Variants in ARAP2 observed in about 807,000 individuals in gnomAD.
ARAP2 encodes the protein arf-GAP with Rho-GAP domain, ANK repeat and PH domain-containing protein 2.
ARAP2 carries 148 observed loss-of-function variants against 194.5 expected under a neutral mutation model. That is an observed-to-expected ratio of 0.76 (90% CI 0.67 to 0.87). The LOEUF is 0.87. Among genes scored for constraint, ARAP2 ranks in the 40% least tolerant of loss-of-function variants. ARAP2 has a pLI of 0.00. For synonymous variants in ARAP2, 695 were observed against 683.5 expected, an observed-to-expected ratio of 1.02 and a Z score of -0.26; for missense variants, 2,128 against 1,989.7, an observed-to-expected ratio of 1.07 and a Z score of -1.32.
Position 36,160,564 on chromosome 4 carries a change from C to A in ARAP2, c.2337G>T (p.Met779Ile). The change falls in exon 13 of 33, where the codon ATG becomes ATT. Residue 779 changes from methionine to isoleucine, a missense_variant. Physicochemically the swap from Met to Ile is conservative, Grantham distance 10 (BLOSUM62 1). Coordinates refer to ENST00000303965, the MANE Select transcript of ARAP2 (RefSeq NM_015230.4). ...GNLQKDEELH[M>I]DSPVEKRKNF... ...TTTTTCTCTTTTCTACTGGTGAGTC[C>A]ATATGTAATTCTTCATCCTTTTGAA... The A allele has an allele frequency of 1.3e-6, 2 of 1,554,124 alleles. No homozygotes were observed. Among genetic ancestry groups the A allele is most frequent in the South Asian group, 1.3e-5 (1 of 79,336 alleles).
At chr4:36,140,893 C>CA (rs1009718065) in intron 19 of ARAP2, among the ~76,000 whole-genome samples, 1 of 151,228 alleles carries the variant, frequency 6.6e-6, no homozygotes, top group African/African-American at 2.4e-5. Flanking sequence ...GAATGTAAAA[C>CA]AAAAAAACAC....
chr4:36,187,546 G>A lies in ARAP2; in HGVS notation c.1583C>T (p.Pro528Leu), dbSNP rs775741785. ...EKEMYSKGIIPLSAISTVRVQ... is the reference protein window; with the variant it reads ...EKEMYSKGIILLSAISTVRVQ... ...TCGTACTGTTGATATAGCAGAAAGG[G>A]GAATTATTCCTTTCGAATACATCTC... The change falls in exon 8 of 33, where the codon CCC (proline) becomes CTC (leucine). Residue 528 changes from proline (P) to leucine (L), a missense_variant. Pro to Leu is a moderately conservative substitution (Grantham distance 98, BLOSUM62 -3). Coordinates refer to ENST00000303965, the MANE Select transcript of ARAP2 (RefSeq NM_015230.4). The A allele has an allele frequency of 2.6e-6, 4 of 1,558,672 alleles. No homozygotes were observed. In the Admixed American group the frequency reaches 6.2e-5, roughly 24 times the overall value.
chr4:36,017,733 T>A (rs1716129315), intron 6 of ARAP2, among the ~76,000 whole-genome samples: 1 of 152,086 alleles, frequency 6.6e-6, no homozygotes, highest in Non-Finnish European at 1.5e-5. Flanking sequence ...CAGAGAGTGG[T>A]AAGGGTTCAT....
intron 9 of ARAP2, 115 bp from the exon 10 acceptor site, chr4:36,167,162 C>G (rs1051449727): frequency 4.0e-5 from 27 of 667,178 alleles, no homozygotes; most frequent in Non-Finnish European, 4.9e-6. Flanking sequence ...CAAAATCAGT[C>G]TCACTTTAGG....
At chr4:36,075,632 C>T (rs1268097961) in intron 31 of ARAP2, among the ~76,000 whole-genome samples, 1 of 152,106 alleles carries the variant, frequency 6.6e-6, no homozygotes, top group Non-Finnish European at 1.5e-5. Flanking sequence ...CATTGCCTGG[C>T]TTTCATTTCA....
At chr4:36,177,757 C>A in intron 9 of ARAP2, 70 bp downstream of exon 9, 2 of 1,416,470 alleles carry the variant, frequency 1.4e-6, no homozygotes, top group Non-Finnish European at 1.9e-6. Flanking sequence ...ACTAATAATC[C>A]TTCCAAACAA....
rs1309044896 is a variant in ARAP2 at position 36,114,248 on chromosome 4, T to C, written c.4078A>G (p.Ile1360Val). 3.1e-5 allele frequency: 49 copies of C among 1,597,542 alleles called. No homozygotes were observed. Among genetic ancestry groups the C allele is most frequent in the Non-Finnish European group, 4.2e-5 (49 of 1,167,330 alleles). ...GGAATAATATTTTTTATCGCTAATA[T>C]ATCATTAGTTAATTCTTCTGCTTCC... ...VMEAEELTND[I>V]LAIKNIIPTK... is the part of the protein sequence containing the mutation. Residue 1360 changes from isoleucine (I) to valine (V), a missense_variant, in exon 26 of 33, where the codon ATA (isoleucine) becomes GTA (valine). Physicochemically the swap from Ile to Val is conservative, Grantham distance 29. Transcript: ENST00000303965.
intron 13 of ARAP2, 106 bp from the exon 14 acceptor site, chr4:36,159,611 C>T (rs1733441070): frequency 4.0e-6 from 4 of 1,008,442 alleles, no homozygotes; most frequent in South Asian, 3.3e-5. Flanking sequence ...AGTCTGTATT[C>T]CTTTTATCCT....
At chr4:36,156,547 C>CT (rs1732590953) in intron 15 of ARAP2, among the ~76,000 whole-genome samples, 1 of 151,712 alleles carries the variant, frequency 6.6e-6, no homozygotes, top group Non-Finnish European at 1.5e-5. Flanking sequence ...AGATAAGCCT[C>CT]TTTTTTGGAG....
Position 36,097,333 on chromosome 4 carries a change from T to C in ARAP2, c.4286-5313A>G, listed in dbSNP as rs371284655. 2.3e-4 allele frequency among the ~76,000 whole-genome samples: 35 copies of C among 152,212 alleles called. 1 individual carries two copies. The South Asian group carries it at 7.0e-3, about 31-fold the overall frequency. The stretch of plus-strand genomic sequence containing the variant: ...AAGCTCTATGATAAATATTATGATT[T>C]AAAAGACTTTCTAAAAGCTCTCAAA... On this transcript the variant is annotated intron_variant, in intron 27 of 32. Transcript: ENST00000303965.
chr4:36,234,216 A>G (rs569993268), intron 1 of ARAP2, among the ~76,000 whole-genome samples: 138 of 152,304 alleles, frequency 9.1e-4, no homozygotes, highest in African/African-American at 3.0e-3. Flanking sequence ...TAAACAACAG[A>G]AGTGCATTGC....
At chr4:36,135,151 A>T (rs1333848768) in intron 19 of ARAP2, among the ~76,000 whole-genome samples, 1 of 151,760 alleles carries the variant, frequency 6.6e-6, no homozygotes, top group East Asian at 1.9e-4. Context: ...CCAAAGTAAA[A>T]CGATATAATC....
intron 27 of ARAP2, among the ~76,000 whole-genome samples, chr4:36,105,288 C>T (rs1419261306): frequency 1.3e-5 from 2 of 152,044 alleles, no homozygotes; most frequent in African/African-American, 2.4e-5. Context: ...CCACCGGTGG[C>T]ACTCTAGCCT....
intron 9 of ARAP2, among the ~76,000 whole-genome samples, chr4:36,174,164 A>G (rs1737292118): frequency 6.6e-6 from 1 of 152,240 alleles, no homozygotes; most frequent in Non-Finnish European, 1.5e-5. Context: ...GGATGAATGA[A>G]TCCAGAAACA....
chr4:36,041,992 G>C (rs977742396), intron 5 of ARAP2, among the ~76,000 whole-genome samples: 3 of 152,052 alleles, frequency 2.0e-5, no homozygotes, highest in African/African-American at 7.2e-5. Flanking sequence ...TGAACACAAA[G>C]AAGCAAACAA....
intron 8 of ARAP2, among the ~76,000 whole-genome samples, chr4:36,014,763 C>T (rs571112846): frequency 1.3e-5 from 2 of 152,240 alleles, no homozygotes; most frequent in African/African-American, 4.8e-5. Flanking sequence ...TACTTGGAGG[C>T]AGAGCCCTTA....
intron 5 of ARAP2, among the ~76,000 whole-genome samples, chr4:36,027,592 G>A (rs528613971): frequency 6.6e-6 from 1 of 151,808 alleles, no homozygotes; most frequent in East Asian, 1.9e-4. Flanking sequence ...CAATAACTAC[G>A]ATTGCCACTA....
At chr4:36,194,387 G>A (rs1742615223) in intron 6 of ARAP2, among the ~76,000 whole-genome samples, 2 of 152,142 alleles carry the variant, frequency 1.3e-5, no homozygotes, top group African/African-American at 4.8e-5. Context: ...CTCCTTCCCT[G>A]AAGGCAGACA....
At position 36,068,230 on chromosome 4, in the gene ARAP2, T is replaced by C. The variant is rs1031940647; in HGVS notation, c.4792A>G (p.Lys1598Glu). The C allele has an allele frequency of 6.3e-7, 1 of 1,597,666 alleles. No homozygotes were observed. The highest frequency in any genetic ancestry group is 1.1e-5 in the South Asian group (1 of 88,216). The change falls in exon 33 of 33, where the codon AAA becomes GAA. Residue 1598 changes from lysine (K) to glutamate (E), a missense_variant. Lys to Glu is a moderately conservative substitution (Grantham distance 56). Transcript: ENST00000303965. ...ERLRLSEKCD[K>E]ESVDSSLKER... is the part of the protein sequence containing the mutation. ...TTTAAGCTAGAGTCCACGGACTCTT[T>C]ATCACACTTTTCACTGAGCCGCAGC...
Sources: gnomAD v4.1 joint callset for allele counts (sites outside exome capture counted in the v4.1 genomes callset) on GRCh38, gnomAD v4.1.1 for gene constraint, MANE v1.5 for transcripts, NCBI Gene and HGNC (gene_info 2026-07-23, HGNC 2026-07-21) for gene names.